Variants in ATP1B1 observed in about 807,000 individuals in gnomAD.
The protein encoded by ATP1B1 is ATPase Na+/K+ transporting subunit beta 1.
A neutral mutation model predicts 39.6 loss-of-function variants in ATP1B1; 3 were observed. The observed-to-expected ratio is 0.08, with a 90% CI of 0.03 to 0.20. The LOEUF is 0.20. Ranked by LOEUF, ATP1B1 falls within the 10% of genes least tolerant of loss-of-function variation. The probability of loss-of-function intolerance (pLI) is 1.00; values close to 1 mark genes in which losing one functional copy is unlikely to be tolerated. For synonymous variants in ATP1B1, 139 were observed against 135.0 expected (o/e 1.03, Z -0.20); for missense variants, 216 against 371.1 (o/e 0.58, Z 3.43).
Position 169,131,590 on chromosome 1 carries a change from T to A in ATP1B1, c.*35T>A. On this transcript the variant is annotated 3_prime_UTR_variant, in exon 6 of 6. Coordinates refer to ENST00000367815, the MANE Select transcript of ATP1B1 (RefSeq NM_001677.4). The surrounding 1 kb of genome is among the most constrained non-coding windows in gnomAD (Gnocchi z 4.4). ...CAAATCTTTCCCACTAGCCATTTAA[T>A]AAGTTAAAAAAAGATACAAAAACAA... 1 of 1,577,462 alleles carries A rather than the reference T, an allele frequency of 6.3e-7. No homozygotes were observed. Among genetic ancestry groups the A allele is most frequent in the Non-Finnish European group, 8.6e-7 (1 of 1,165,636 alleles).
At chr1:169,107,758 C>T (rs1557945770) in intron 1 of ATP1B1, 2 of 146,004 alleles carry the variant, frequency 1.4e-5, no homozygotes, top group Non-Finnish European at 3.0e-5. Context: ...GGAAAGGTGA[C>T]TTTTTTTTTT....
intron 1 of ATP1B1, among the ~76,000 whole-genome samples, chr1:169,110,416 T>C (rs1657701767): frequency 6.6e-6 from 1 of 152,186 alleles, no homozygotes; most frequent in African/African-American, 2.4e-5. Context: ...AGTTCACTTG[T>C]TCCCTGTTTT....
Position 169,131,337 on chromosome 1 carries a change from C to G in ATP1B1, c.694C>G (p.Leu232Val). Residue 232 changes from leucine to valine, a missense_variant, in exon 6 of 6, where the codon CTG (leucine) becomes GTG (valine). Physicochemically the swap from Leu to Val is conservative, Grantham distance 32 (BLOSUM62 1). Transcript: ENST00000367815. The surrounding 1 kb of genome is among the most constrained non-coding windows in gnomAD (Gnocchi z 4.4). The part of the protein sequence containing the change: ...DKVGNVEYFG[L>V]GNSPGFPLQY... The stretch of plus-strand genomic sequence containing the variant: ...AGTTGGAAATGTGGAGTATTTTGGA[C>G]TGGGCAACTCCCCTGGTTTTCCTCT... The G allele has an allele frequency of 3.1e-6, 5 of 1,614,090 alleles. No individual in the cohort carries two copies. Among genetic ancestry groups the G allele is most frequent in the Non-Finnish European group, 4.2e-6 (5 of 1,180,012 alleles).
chr1:169,124,954 G>A lies in ATP1B1; in HGVS notation c.297G>A (p.Glu99=), dbSNP rs560362746. 161 of 1,614,024 alleles carry A rather than the reference G, an allele frequency of 1.0e-4. 1 individual carries two copies. In the South Asian group the frequency reaches 1.7e-3, roughly 17 times the overall value. ...GTCCTAATGATCCCAAGAGCTATGA[G>A]GCATATGTACTGAACATAGTTAGGT... The part of the protein sequence containing the change: ...SFRPNDPKSY[E]AYVLNIVRFL... Residue 99 remains glutamate, a synonymous_variant, in exon 3 of 6, where the codon GAG becomes GAA. Transcript: ENST00000367815.
At chr1:169,125,258 T>C (rs1658062585) in intron 3 of ATP1B1, among the ~76,000 whole-genome samples, 1 of 152,178 alleles carries the variant, frequency 6.6e-6, no homozygotes, top group Non-Finnish European at 1.5e-5. Flanking sequence ...AAAGGTGTCT[T>C]ACTTTAAAAC....
At position 169,107,062 on chromosome 1, in the gene ATP1B1, C is replaced by A; in HGVS notation, c.97+136C>A. 3.8e-6 allele frequency: 3 copies of A among 781,346 alleles called. No individual in the cohort carries two copies. The East Asian group carries it at 1.0e-4, about 27-fold the overall frequency. The allele number at this position is 781,346 out of a possible 1,614,324, so 48.4% of individuals were successfully genotyped here. A position where few individuals can be genotyped will look rare whatever the true frequency, so the allele number is the denominator to read the frequency against. On this transcript the variant is annotated intron_variant, in intron 1 of 5. Transcript: ENST00000367815. Reference sequence around the variant, plus strand: ...GCGGGGGCGAGGGTGGTGGACGCTGCTGGGTCGCGCCGGCCTGGGCTTGCA... The same window carrying A: ...GCGGGGGCGAGGGTGGTGGACGCTGATGGGTCGCGCCGGCCTGGGCTTGCA...
chr1:169,130,217 A>T (rs987369985), intron 5 of ATP1B1, 127 bp downstream of exon 5: 2 of 811,412 alleles, frequency 2.5e-6, no homozygotes, highest in African/African-American at 3.5e-5. Context: ...GCTTTCAAGT[A>T]TAAGTCTCAG....
At chr1:169,114,048 A>G (rs61803311) in intron 2 of ATP1B1, among the ~76,000 whole-genome samples, 5,925 of 151,186 alleles carry the variant, frequency 0.039, 177 homozygotes, top group South Asian at 0.12. Context: ...CAGAGTGCCG[A>G]ACCTTGATCA....
intron 2 of ATP1B1, among the ~76,000 whole-genome samples, chr1:169,119,458 G>A (rs1341696018): frequency 6.6e-6 from 1 of 152,188 alleles, no homozygotes; most frequent in East Asian, 1.9e-4. Flanking sequence ...GTGTTCTGCT[G>A]TCTTTGGCCC....
At chr1:169,107,330 G>A (rs1462516840) in intron 1 of ATP1B1, among the ~76,000 whole-genome samples, 1 of 152,188 alleles carries the variant, frequency 6.6e-6, no homozygotes, top group Non-Finnish European at 1.5e-5. Flanking sequence ...ACCTCGTGAG[G>A]TGATGGGATC....
At chr1:169,127,161 C>A in intron 3 of ATP1B1, 63 bp from the exon 4 acceptor site, 4 of 1,481,202 alleles carry the variant, frequency 2.7e-6, no homozygotes, top group African/African-American at 2.9e-5. Flanking sequence ...AAGACAGTTT[C>A]TTTTTCTTAG....
intron 4 of ATP1B1, among the ~76,000 whole-genome samples, chr1:169,129,166 G>A (rs1464594558): frequency 6.6e-6 from 1 of 152,192 alleles, no homozygotes; most frequent in East Asian, 1.9e-4. Flanking sequence ...TAGCAAAATA[G>A]TAGTTCCTTC....
At chr1:169,108,631 C>G (rs1306352133) in intron 1 of ATP1B1, among the ~76,000 whole-genome samples, 1 of 152,114 alleles carries the variant, frequency 6.6e-6, no homozygotes, top group Non-Finnish European at 1.5e-5. Context: ...ATAATACTTG[C>G]TTTAGAGGGT....
rs1284700604 is a variant in ATP1B1, at chr1:169,132,592, G to A, written c.*1037G>A. 2.0e-6 allele frequency: 1 copy of A among 511,668 alleles called. No individual in the cohort carries two copies. 31.7% of individuals were successfully genotyped at this position (511,668 alleles called of 1,614,324 possible). ...AAAGCAATGCAGTACCCCATAGACT[G>A]GTGTTAAATGTTGTCTACAGTGCAA... On this transcript the variant is annotated 3_prime_UTR_variant, in exon 6 of 6. Coordinates refer to ENST00000367815, the MANE Select transcript of ATP1B1 (RefSeq NM_001677.4).
At chr1:169,124,432 C>A (rs1202563832) in intron 2 of ATP1B1, among the ~76,000 whole-genome samples, 2 of 152,170 alleles carry the variant, frequency 1.3e-5, no homozygotes, top group South Asian at 4.1e-4. Flanking sequence ...GTGTCCAAGG[C>A]TTACACGTAA....
intron 2 of ATP1B1, among the ~76,000 whole-genome samples, chr1:169,122,900 T>C (rs1053542060): frequency 6.6e-6 from 1 of 152,110 alleles, no homozygotes; most frequent in African/African-American, 2.4e-5. Context: ...CTGAAGATGA[T>C]TGTTAATGTC....
intron 2 of ATP1B1, among the ~76,000 whole-genome samples, chr1:169,122,170 T>C (rs1232745067): frequency 6.6e-6 from 1 of 152,226 alleles, no homozygotes; most frequent in Non-Finnish European, 1.5e-5. Flanking sequence ...TGGCTGCCTA[T>C]GCACTGGCTC....
rs146657041 is a variant in ATP1B1 at position 169,112,553 on chromosome 1, G to A, written c.226+1055G>A. Among the ~76,000 whole-genome samples the A allele has an allele frequency of 3.2e-4, 49 of 152,324 alleles. No individual in the cohort carries two copies. In the East Asian group the frequency reaches 8.7e-3, roughly 27 times the overall value. Reference sequence around the variant, plus strand: ...AGGTGACAATCTTCAGATGATCTACGTGGCCCTGAGCAGCCTAGATCAAGG... The same window carrying A: ...AGGTGACAATCTTCAGATGATCTACATGGCCCTGAGCAGCCTAGATCAAGG... On this transcript the variant is annotated intron_variant, in intron 2 of 5. Transcript: ENST00000367815.
intron 2 of ATP1B1, among the ~76,000 whole-genome samples, chr1:169,119,932 C>T (rs557935254): frequency 6.6e-6 from 1 of 151,892 alleles, no homozygotes; most frequent in African/African-American, 2.4e-5. Context: ...TTTCAAAGGT[C>T]TTTCATCTTT....
Sources: allele counts gnomAD v4.1 joint callset (sites outside exome capture counted in the v4.1 genomes callset), GRCh38; gene constraint gnomAD v4.1.1; non-coding constraint Gnocchi (gnomAD v3.1); transcripts MANE v1.5; gene names NCBI Gene and HGNC (gene_info 2026-07-23, HGNC 2026-07-21).